The following TLK1 variants were observed in gnomAD, a reference collection of about 807,000 sequenced individuals.
TLK1 encodes tousled like kinase 1.
A neutral mutation model predicts 105.3 loss-of-function variants in TLK1; 24 were observed. The ratio of observed to expected loss-of-function variants is 0.23; its 90% CI spans 0.17 to 0.32. The LOEUF (loss-of-function observed/expected upper bound fraction) is 0.32, where lower values mean the gene tolerates loss of function less well. Among genes scored for constraint, TLK1 ranks in the 10% least tolerant of loss-of-function variants. TLK1 has a pLI of 1.00. For missense variants in TLK1, 558 were observed against 910.5 expected (o/e 0.61, Z 4.98); for synonymous variants, 321 against 310.4 (o/e 1.03, Z -0.36).
intron 1 of TLK1, among the ~76,000 whole-genome samples, chr2:171,192,434 C>T (rs1693171468): frequency 6.6e-6 from 1 of 152,140 alleles, no homozygotes; most frequent in Non-Finnish European, 1.5e-5. Context: ...AATCCCAGCA[C>T]TTTGGGAGGC....
At chr2:171,036,971 G>T (rs1266582563) in intron 11 of TLK1, among the ~76,000 whole-genome samples, 3 of 152,092 alleles carry the variant, frequency 2.0e-5, no homozygotes, top group Non-Finnish European at 2.9e-5. Flanking sequence ...GATCAAGGTT[G>T]CTCATCAGCT....
At chr2:171,176,822 C>A (rs1054463304) in intron 1 of TLK1, among the ~76,000 whole-genome samples, 1 of 151,912 alleles carries the variant, frequency 6.6e-6, no homozygotes, top group Admixed American at 6.6e-5. Context: ...TTCACCTCAT[C>A]GGCCTATTTT....
intron 1 of TLK1, among the ~76,000 whole-genome samples, chr2:171,200,544 G>C (rs1400871176): frequency 6.6e-6 from 1 of 152,124 alleles, no homozygotes; most frequent in Non-Finnish European, 1.5e-5. Context: ...AATAAAATTG[G>C]ATCAAAGTCA....
chr2:171,037,381 C>T (rs1260999980), intron 11 of TLK1, among the ~76,000 whole-genome samples: 1 of 148,338 alleles, frequency 6.7e-6, no homozygotes, highest in Non-Finnish European at 1.5e-5. Flanking sequence ...GCGGAGGTTA[C>T]AGTGAGCCAA....
intron 3 of TLK1, among the ~76,000 whole-genome samples, chr2:171,080,210 A>G (rs1047001661): frequency 2.6e-5 from 4 of 151,518 alleles, no homozygotes; most frequent in Non-Finnish European, 5.9e-5. Flanking sequence ...AAAAAAAAAA[A>G]AAAGTAATAA....
intron 1 of TLK1, among the ~76,000 whole-genome samples, chr2:171,121,008 C>T (rs1019319252): frequency 3.3e-5 from 5 of 151,990 alleles, no homozygotes; most frequent in African/African-American, 4.8e-5. Flanking sequence ...CGGAGATCTC[C>T]GAAGATATGC....
chr2:171,200,297 T>A (rs1558989171), intron 1 of TLK1, among the ~76,000 whole-genome samples: 1 of 152,172 alleles, frequency 6.6e-6, no homozygotes, highest in Non-Finnish European at 1.5e-5. Flanking sequence ...TACCCCCCCA[T>A]CCTGTGTTGT....
intron 1 of TLK1, among the ~76,000 whole-genome samples, chr2:171,217,643 T>A (rs1289465065): frequency 6.6e-6 from 1 of 152,212 alleles, no homozygotes; most frequent in Admixed American, 6.5e-5. Context: ...TGAACATGCT[T>A]CAGACATTAA....
At chr2:171,101,767 TAC>T (rs953061173) in intron 2 of TLK1, among the ~76,000 whole-genome samples, 7 of 152,108 alleles carry the variant, frequency 4.6e-5, no homozygotes, top group African/African-American at 1.7e-4. Context: ...CAAGCACACA[TAC>T]ACAGACTTGA....
chr2:171,028,952 C>CTT (rs1553606533), intron 11 of TLK1, among the ~76,000 whole-genome samples: 3 of 152,170 alleles, frequency 2.0e-5, no homozygotes, highest in African/African-American at 4.8e-5. Flanking sequence ...AGAGAGGTGA[C>CTT]CATCTAAATA....
chr2:171,127,209 G>A lies in TLK1; in HGVS notation c.140-9352C>T, dbSNP rs746885813. On this transcript the variant is annotated intron_variant, in intron 1 of 20. Coordinates refer to ENST00000431350, the MANE Select transcript of TLK1 (RefSeq NM_012290.5). The stretch of plus-strand genomic sequence containing the variant: ...CGAGAATCACTTGAACCCGGGAGGC[G>A]GAGGTTGCAGTGAGCTGAGATCATG... Among the ~76,000 whole-genome samples, 13 of 151,168 alleles carry A rather than the reference G, an allele frequency of 8.6e-5. No homozygotes were observed. In the South Asian group the frequency reaches 1.3e-3, roughly 15 times the overall value.
chr2:171,048,497 A>C (rs1373343176), intron 10 of TLK1, among the ~76,000 whole-genome samples: 1 of 152,192 alleles, frequency 6.6e-6, no homozygotes, highest in African/African-American at 2.4e-5. Context: ...TTAACTACCA[A>C]TAACATTCAT....
At chr2:171,182,703 T>C (rs1692947351) in intron 1 of TLK1, among the ~76,000 whole-genome samples, 1 of 151,940 alleles carries the variant, frequency 6.6e-6, no homozygotes, top group Non-Finnish European at 1.5e-5. Context: ...GAAGATTGCT[T>C]GAGCCCAGGA....
chr2:171,092,650 C>T (rs1222080694), intron 2 of TLK1, among the ~76,000 whole-genome samples: 2 of 152,090 alleles, frequency 1.3e-5, no homozygotes, highest in Non-Finnish European at 2.9e-5. Context: ...CCTCCTACCC[C>T]CATGGACAAA....
chr2:171,104,417 A>G (rs893088844), intron 2 of TLK1, among the ~76,000 whole-genome samples: 2 of 152,082 alleles, frequency 1.3e-5, no homozygotes, highest in Non-Finnish European at 2.9e-5. Context: ...AAGAGGACAT[A>G]AAAAAATAGA....
intron 3 of TLK1, among the ~76,000 whole-genome samples, chr2:171,074,981 T>G (rs971891445): frequency 6.6e-6 from 1 of 152,042 alleles, no homozygotes; most frequent in Non-Finnish European, 1.5e-5. Flanking sequence ...AATCGATTTT[T>G]AAAGTCTCTC....
chr2:171,112,498 T>C (rs1296868032), intron 2 of TLK1, among the ~76,000 whole-genome samples: 1 of 152,196 alleles, frequency 6.6e-6, no homozygotes, highest in Non-Finnish European at 1.5e-5. Context: ...GGCAGTTATA[T>C]ACTCCAAACC....
intron 14 of TLK1, among the ~76,000 whole-genome samples, chr2:171,010,550 G>A (rs972533566): frequency 2.7e-5 from 4 of 148,864 alleles, no homozygotes; most frequent in Admixed American, 2.0e-4. Context: ...CTTCTTAAGG[G>A]AGAATACAGA....
At chr2:171,207,068 A>G (rs966008258) in intron 1 of TLK1, among the ~76,000 whole-genome samples, 5 of 152,258 alleles carry the variant, frequency 3.3e-5, no homozygotes, top group African/African-American at 1.2e-4. Context: ...AAATGAATTG[A>G]AATCTATGTC....
Sources: allele counts gnomAD v4.1 joint callset (sites outside exome capture counted in the v4.1 genomes callset), GRCh38; gene constraint gnomAD v4.1.1; transcripts MANE v1.5; gene names NCBI Gene and HGNC (gene_info 2026-07-23, HGNC 2026-07-21).